The following PCDHGB1 variants were observed in gnomAD, a reference collection of about 807,000 sequenced individuals.
PCDHGB1 encodes the protein protocadherin gamma-B1.
In PCDHGB1, 34 loss-of-function variants were observed where a neutral mutation model predicts 56.6. The ratio of observed to expected loss-of-function variants is 0.60; its 90% CI spans 0.46 to 0.80. The LOEUF (loss-of-function observed/expected upper bound fraction) is 0.80. Among genes scored for constraint, PCDHGB1 ranks in the 30% least tolerant of loss-of-function variants. PCDHGB1 has a pLI of 0.00. For missense variants in PCDHGB1, 1,278 were observed against 1,204.6 expected (o/e 1.06, Z -0.90); for synonymous variants, 561 against 505.9 (o/e 1.11, Z -1.46).
At chr5:141,400,777 T>G (rs2094073733) in intron 1 of PCDHGB1, 1 of 565,634 alleles carries the variant, frequency 1.8e-6, no homozygotes. Context: ...ATTTGGTGCG[T>G]TTTTTTGTCC....
Position 141,504,710 on chromosome 5 carries a change from G to A in PCDHGB1, c.2469-683G>A, listed in dbSNP as rs528205869. The stretch of plus-strand genomic sequence containing the variant: ...AGGAGGGGCAGGTTCTTCTATGGCC[G>A]TGGATTTTACTCTGAGGGCTTAGGA... On this transcript the variant is annotated intron_variant, in intron 2 of 3. Transcript: ENST00000523390. Among the ~76,000 whole-genome samples the A allele has an allele frequency of 1.4e-4, 21 of 151,968 alleles. No homozygotes were observed. The East Asian group carries it at 3.7e-3, about 27-fold the overall frequency.
chr5:141,352,377 C>A lies in PCDHGB1; in HGVS notation c.2117C>A (p.Ala706Glu). ...CTCTTTCTCCTCGCGGTGATTCTAGCGATCGCCCTGCGCCTGCGACGTTCC... is the reference window on the plus strand; with the variant it reads ...CTCTTTCTCCTCGCGGTGATTCTAGAGATCGCCCTGCGCCTGCGACGTTCC... Reference protein sequence around the residue: ...SVLFLLAVILAIALRLRRSSS... With the variant: ...SVLFLLAVILEIALRLRRSSS... The change falls in exon 1 of 4, where the codon GCG becomes GAG. Residue 706 changes from alanine (A) to glutamate (E), a missense_variant. By Grantham distance (107) the Ala-to-Glu change is moderately radical. Transcript: ENST00000523390. The A allele has an allele frequency of 6.2e-7, 1 of 1,614,038 alleles. No individual in the cohort carries two copies. Among genetic ancestry groups the A allele is most frequent in the South Asian group, 1.1e-5 (1 of 91,086 alleles).
Position 141,350,783 on chromosome 5 carries a change from TTC to T in PCDHGB1, c.529_530del (p.Leu177ValfsTer7), listed in dbSNP as rs201293239. On this transcript the variant is annotated frameshift_variant, in exon 1 of 4. Transcript: ENST00000523390. LOFTEE classifies it high-confidence loss of function. ...KLYTINPNQY[F>X]SLSTKESPDG... is the part of the protein sequence containing the mutation. ...ATACACCATCAACCCCAATCAATAC[TTC>T]TCTCTGTCAACGAAGGAAAGTCCTG... 2.1e-4 allele frequency: 345 copies of T among 1,613,962 alleles called. 2 individuals carry two copies. The East Asian group carries it at 4.8e-3, about 23-fold the overall frequency.
chr5:141,391,775 A>T (rs996921581), intron 1 of PCDHGB1: 1 of 152,210 alleles, frequency 6.6e-6, no homozygotes, highest in Non-Finnish European at 1.5e-5. Flanking sequence ...TTATATAGTC[A>T]TTACTTTTTG....
chr5:141,375,417 C>G lies in PCDHGB1; in HGVS notation c.2409+22748C>G. ...ATCATCTCTCTAAATGTGGCAGACA[C>G]CAACGACAACCCGCCCACCTTCCCC... On this transcript the variant is annotated intron_variant, in intron 1 of 3. Coordinates refer to ENST00000523390, the MANE Select transcript of PCDHGB1 (RefSeq NM_018922.3). The G allele has an allele frequency of 1.9e-6, 3 of 1,613,976 alleles. No homozygotes were observed. The South Asian group carries it at 3.3e-5, about 18-fold the overall frequency.
chr5:141,362,142 A>G lies in PCDHGB1; in HGVS notation c.2409+9473A>G, dbSNP rs536824662. ...ACCTAATCTTCGCGGATAGCCTGCA[A>G]GAGGTATTGCCAGACCTCAGCGACC... On this transcript the variant is annotated intron_variant, in intron 1 of 3. Transcript: ENST00000523390. The G allele has an allele frequency of 3.7e-6, 6 of 1,614,046 alleles. No individual in the cohort carries two copies. In the African/African-American group the frequency reaches 8.0e-5, roughly 22 times the overall value.
chr5:141,415,717 A>G, intron 1 of PCDHGB1: 1 of 839,652 alleles, frequency 1.2e-6, no homozygotes, highest in Non-Finnish European at 1.8e-6. Flanking sequence ...AACACTGATG[A>G]GTAGAATTTG....
At chr5:141,410,060 G>C in intron 1 of PCDHGB1, 1 of 1,613,108 alleles carries the variant, frequency 6.2e-7, no homozygotes, top group Non-Finnish European at 8.5e-7. Flanking sequence ...CTTCAGCCTG[G>C]GGCTGCGCAC....
intron 1 of PCDHGB1, among the ~76,000 whole-genome samples, chr5:141,452,575 T>A (rs1386847800): frequency 6.6e-6 from 1 of 152,192 alleles, no homozygotes; most frequent in Non-Finnish European, 1.5e-5. Flanking sequence ...CCTTCCCCCT[T>A]TCCATCTTTG....
At chr5:141,394,874 G>C in intron 1 of PCDHGB1, 3 of 1,613,814 alleles carry the variant, frequency 1.9e-6, no homozygotes, top group South Asian at 1.1e-5. Context: ...CGAACGATTC[G>C]AGCCTTACAC....
rs779542409 is a variant in PCDHGB1, at chr5:141,392,788, T to G, written c.2409+40119T>G. The G allele has an allele frequency of 3.9e-6, 6 of 1,553,762 alleles. No individual in the cohort carries two copies. The East Asian group carries it at 1.1e-4, about 30-fold the overall frequency. On this transcript the variant is annotated intron_variant, in intron 1 of 3. Coordinates refer to ENST00000523390, the MANE Select transcript of PCDHGB1 (RefSeq NM_018922.3). ...ACCCATTTATGCACAGTGAAGATTC[T>G]GAGAGGATTCTGCAGCAAAACAACA...
At chr5:141,381,022 G>T (rs1326220507) in intron 1 of PCDHGB1, among the ~76,000 whole-genome samples, 2 of 152,148 alleles carry the variant, frequency 1.3e-5, no homozygotes, top group African/African-American at 4.8e-5. Flanking sequence ...ACCTCTATTA[G>T]TTCCTTTAAA....
In PCDHGB1 at chr5:141,481,621, C is replaced by T. The variant is rs533294863; in HGVS notation, c.2410-13186C>T. Among the ~76,000 whole-genome samples the T allele has an allele frequency of 3.9e-5, 6 of 152,198 alleles. 1 individual carries two copies. Among genetic ancestry groups the T allele is most frequent in the East Asian group, 3.9e-4 (2 of 5,172 alleles). Reference sequence around the variant, plus strand: ...TCACCTGAGGCCAGGAGTTCAAGACCGGCCTGGCCAACATGGTGAAACTTC... The same window carrying T: ...TCACCTGAGGCCAGGAGTTCAAGACTGGCCTGGCCAACATGGTGAAACTTC... On this transcript the variant is annotated intron_variant, in intron 1 of 3. Transcript: ENST00000523390.
rs749347013 is a variant in PCDHGB1, at chr5:141,476,739, C to G, written c.2410-18068C>G. 6.2e-7 allele frequency: 1 copy of G among 1,614,068 alleles called. No individual in the cohort carries two copies. Among genetic ancestry groups the G allele is most frequent in the South Asian group, 1.1e-5 (1 of 91,088 alleles). On this transcript the variant is annotated intron_variant, in intron 1 of 3. Transcript: ENST00000523390. The surrounding 1 kb of genome is among the most constrained non-coding windows in gnomAD (Gnocchi z 7.6). Reference sequence around the variant, plus strand: ...CGCGCCCTGGACCGAGAACGGGAGCCTAGTCTCCAGTTAGTGCTGACGGCG... The same window carrying G: ...CGCGCCCTGGACCGAGAACGGGAGCGTAGTCTCCAGTTAGTGCTGACGGCG...
chr5:141,429,169 T>TACGC (rs2097190400), intron 1 of PCDHGB1: 1 of 145,394 alleles, frequency 6.9e-6, no homozygotes, highest in Non-Finnish European at 1.5e-5. Flanking sequence ...ACATTGTTTA[T>TACGC]ACACACACAC....
At chr5:141,410,419 T>TC (rs769125626) in intron 1 of PCDHGB1, 49 of 1,613,886 alleles carry the variant, frequency 3.0e-5, no homozygotes, top group Non-Finnish European at 3.6e-5. Context: ...GACCTGTAGT[T>TC]CCCCCCAACT....
At chr5:141,394,096 G>C in intron 1 of PCDHGB1, 1 of 1,613,822 alleles carries the variant, frequency 6.2e-7, no homozygotes, top group African/African-American at 1.3e-5. Context: ...TCAGATCTAG[G>C]AACACCACCT....
chr5:141,375,770 C>T, intron 1 of PCDHGB1: 1 of 1,614,268 alleles, frequency 6.2e-7, no homozygotes, highest in East Asian at 2.2e-5. Flanking sequence ...GCCCGAGATC[C>T]TGTACCCCGC....
chr5:141,452,358 T>C (rs2098739424), intron 1 of PCDHGB1, among the ~76,000 whole-genome samples: 1 of 152,236 alleles, frequency 6.6e-6, no homozygotes, highest in African/African-American at 2.4e-5. Context: ...CCAAAAGCCT[T>C]GCTTCATTTT....
Sources: gnomAD v4.1 joint callset for allele counts (sites outside exome capture counted in the v4.1 genomes callset) on GRCh38, gnomAD v4.1.1 for gene constraint, Gnocchi (gnomAD v3.1) non-coding constraint, MANE v1.5 for transcripts, NCBI Gene and HGNC (gene_info 2026-07-23, HGNC 2026-07-21) for gene names.